The following UGT2A3 variants were observed in gnomAD, a reference collection of about 807,000 sequenced individuals.
The protein encoded by UGT2A3 is UDP glucuronosyltransferase family 2 member A3, also known as UDP-glucuronosyltransferase 2A3.
In UGT2A3, 55 loss-of-function variants were observed where a neutral mutation model predicts 44.1. The ratio of observed to expected loss-of-function variants is 1.25; its 90% CI spans 1.00 to 1.56. UGT2A3 has a LOEUF of 1.56. Among genes scored for constraint, UGT2A3 ranks in the 40% most tolerant of loss-of-function variants. The pLI is 0.00. For synonymous variants in UGT2A3, 243 were observed against 215.1 expected, an observed-to-expected ratio of 1.13 and a Z score of -1.13; for missense variants, 733 against 621.6, an observed-to-expected ratio of 1.18 and a Z score of -1.91.
rs187596998 is a variant in UGT2A3 at position 68,949,169 on chromosome 4, G to T, written c.715+1877C>A. On this transcript the variant is annotated intron_variant, in intron 1 of 5. Transcript: ENST00000251566. ...CCATCAAGCCCCACCTCCAATATTGGTGATCAAATTTCAACACAGGATTTT... is the reference window on the plus strand; with the variant it reads ...CCATCAAGCCCCACCTCCAATATTGTTGATCAAATTTCAACACAGGATTTT... Among the ~76,000 whole-genome samples, 43 of 151,830 alleles carry T rather than the reference G, an allele frequency of 2.8e-4. 1 individual carries two copies. The highest frequency in any genetic ancestry group is 5.9e-4 in the Admixed American group (9 of 15,232).
At chr4:68,930,259 T>C (rs1243955465) in intron 5 of UGT2A3, among the ~76,000 whole-genome samples, 167 bp from the exon 6 acceptor site, 1 of 152,130 alleles carries the variant, frequency 6.6e-6, no homozygotes, top group Admixed American at 6.6e-5. Flanking sequence ...TAAACAGATA[T>C]AGTGGAGAGA....
intron 2 of UGT2A3, among the ~76,000 whole-genome samples, chr4:68,943,102 C>T (rs1451714556): frequency 6.6e-6 from 1 of 151,570 alleles, no homozygotes; most frequent in Non-Finnish European, 1.5e-5. Context: ...CTCAATTAAA[C>T]TTGTAAAATT....
chr4:68,933,199 AG>A (rs1717805161), intron 2 of UGT2A3, among the ~76,000 whole-genome samples: 1 of 152,096 alleles, frequency 6.6e-6, no homozygotes, highest in South Asian at 2.1e-4. Context: ...CCACTCTGAA[AG>A]CACCAGAGCT....
chr4:68,951,629 T>C lies in UGT2A3; in HGVS notation c.132A>G (p.Glu44=), dbSNP rs1165242641. The change falls in exon 1 of 6, where the codon GAA becomes GAG. Residue 44 remains glutamate (E), a synonymous_variant. Transcript: ENST00000251566. ...CCTCATGGCCTCTCACTATGAGCTCTTCTAGAATGACCTTGACATTAAGCC... is the reference window on the plus strand; with the variant it reads ...CCTCATGGCCTCTCACTATGAGCTCCTCTAGAATGACCTTGACATTAAGCC... ...SHWLNVKVIL[E]ELIVRGHEVT... 1.9e-6 allele frequency: 3 copies of C among 1,612,676 alleles called. No individual in the cohort carries two copies. The highest frequency in any genetic ancestry group is 2.7e-5 in the African/African-American group (2 of 74,836).
At chr4:68,932,128 AC>A (rs1717759287) in intron 3 of UGT2A3, among the ~76,000 whole-genome samples, 1 of 151,954 alleles carries the variant, frequency 6.6e-6, no homozygotes, top group Non-Finnish European at 1.5e-5. Context: ...TTGTTACTAT[AC>A]TATAATTGTA....
In UGT2A3 at chr4:68,931,166, T is replaced by G. The variant is rs1483843576; in HGVS notation, c.1073A>C (p.Asn358Thr). ...NTRLYDWIPQ[N>T]DLLGHPKTKA... is the part of the protein sequence containing the mutation. ...TCTCATAGACCTACCAAGAAGATCA[T>G]TCTGGGGTATCCAATCATACAGCCG... The change falls in exon 4 of 6, where the codon AAT becomes ACT. Residue 358 changes from asparagine to threonine, a missense_variant. Transcript: ENST00000251566. The G allele has an allele frequency of 2.5e-6, 4 of 1,612,580 alleles. No individual in the cohort carries two copies. The highest frequency in any genetic ancestry group is 3.4e-6 in the Non-Finnish European group (4 of 1,179,106).
chr4:68,930,515 T>C (rs780953742), intron 5 of UGT2A3, 31 bp downstream of exon 5: 1 of 1,553,638 alleles, frequency 6.4e-7, no homozygotes, highest in African/African-American at 1.4e-5. Context: ...TAGTCAATGT[T>C]AGATCAGTCT....
At chr4:68,935,597 A>T (rs535795138) in intron 2 of UGT2A3, among the ~76,000 whole-genome samples, 1 of 152,104 alleles carries the variant, frequency 6.6e-6, no homozygotes, top group East Asian at 1.9e-4. Flanking sequence ...AACCACAAAG[A>T]TGGAGAGAAA....
intron 1 of UGT2A3, among the ~76,000 whole-genome samples, chr4:68,947,737 A>T (rs1718432046): frequency 6.6e-6 from 1 of 151,862 alleles, no homozygotes; most frequent in Admixed American, 6.6e-5. Context: ...AATAATAGCA[A>T]GCAGGCAAAC....
chr4:68,942,414 TTA>T (rs765948922), intron 2 of UGT2A3, among the ~76,000 whole-genome samples: 9 of 147,304 alleles, frequency 6.1e-5, no homozygotes, highest in South Asian at 2.1e-4. Flanking sequence ...TTCTATTCCA[TTA>T]TATATATATA....
chr4:68,934,335 G>A (rs1717855738), intron 2 of UGT2A3, among the ~76,000 whole-genome samples: 1 of 151,884 alleles, frequency 6.6e-6, no homozygotes, highest in African/African-American at 2.4e-5. Context: ...AACAATTTAT[G>A]ATAACATCTC....
intron 2 of UGT2A3, among the ~76,000 whole-genome samples, chr4:68,939,412 G>A (rs1199503995): frequency 6.6e-6 from 1 of 152,110 alleles, no homozygotes; most frequent in African/African-American, 2.4e-5. Flanking sequence ...CTAACCATGT[G>A]ATCTTTGACA....
At position 68,943,579 on chromosome 4, in the gene UGT2A3, A is replaced by G. The variant is rs527954690; in HGVS notation, c.864+1727T>C. On this transcript the variant is annotated intron_variant, in intron 2 of 5. Coordinates refer to ENST00000251566, the MANE Select transcript of UGT2A3 (RefSeq NM_024743.4). ...AATAGGTAAACCCAGTATTGTTACC[A>G]TAGCTATTGTGGTAAATTCTTATAA... is the stretch of plus-strand genomic sequence containing the variant. Among the ~76,000 whole-genome samples the G allele has an allele frequency of 4.6e-5, 7 of 151,848 alleles. No homozygotes were observed. The South Asian group carries it at 1.0e-3, about 22-fold the overall frequency.
chr4:68,943,425 AT>A, intron 2 of UGT2A3: 1 of 782,794 alleles, frequency 1.3e-6, no homozygotes, highest in Non-Finnish European at 1.7e-6. Flanking sequence ...AATTATATTC[AT>A]CAATACACAT....
chr4:68,940,740 A>T (rs967857168), intron 2 of UGT2A3, among the ~76,000 whole-genome samples: 28 of 146,892 alleles, frequency 1.9e-4, no homozygotes, highest in African/African-American at 6.3e-4. Context: ...TAATATACAC[A>T]TATATACATA....
intron 2 of UGT2A3, among the ~76,000 whole-genome samples, chr4:68,943,953 C>T (rs1242911309): frequency 2.6e-5 from 4 of 151,840 alleles, no homozygotes; most frequent in South Asian, 4.1e-4. Context: ...TCCCAGTTAA[C>T]ATTTTGGCAC....
intron 2 of UGT2A3, 52 bp downstream of exon 2, chr4:68,945,254 A>G: frequency 6.3e-7 from 1 of 1,597,722 alleles, no homozygotes; most frequent in Admixed American, 1.7e-5. Context: ...CTTTCAAGGG[A>G]AAACAAGTCA....
chr4:68,947,022 T>C (rs1438551328), intron 1 of UGT2A3, among the ~76,000 whole-genome samples: 1 of 151,736 alleles, frequency 6.6e-6, no homozygotes, highest in Non-Finnish European at 1.5e-5. Flanking sequence ...GCCTCAGTGC[T>C]GATTACTGTT....
chr4:68,942,634 C>T (rs1718242956), intron 2 of UGT2A3, among the ~76,000 whole-genome samples: 1 of 150,016 alleles, frequency 6.7e-6, no homozygotes. Flanking sequence ...AATGAACCTC[C>T]AGGGCATAAT....
Sources: gnomAD v4.1 joint callset for allele counts (sites outside exome capture counted in the v4.1 genomes callset) on GRCh38, gnomAD v4.1.1 for gene constraint, MANE v1.5 for transcripts, NCBI Gene and HGNC (gene_info 2026-07-23, HGNC 2026-07-21) for gene names.